Variants in INTS8 observed in about 807,000 individuals in gnomAD.
The protein encoded by INTS8 is protein kaonashi-1.
A neutral mutation model predicts 138.9 loss-of-function variants in INTS8; 47 were observed. The observed-to-expected ratio is 0.34, with a 90% CI of 0.27 to 0.43. INTS8 has a LOEUF of 0.43. Ranked by LOEUF, INTS8 falls within the 20% of genes least tolerant of loss-of-function variation. The pLI, the probability that INTS8 is intolerant of heterozygous loss-of-function variation, is 1.00. For synonymous variants in INTS8, 392 were observed against 400.9 expected (o/e 0.98, Z 0.27); for missense variants, 996 against 1,173.0 (o/e 0.85, Z 2.20).
chr8:94,853,871 G>T lies in INTS8; in HGVS notation c.1708G>T (p.Val570Phe). ...GIKDNLTRDL[V>F]YILMAKGLHC... ...TAAAGACAATTTAACAAGAGATTTG[G>T]TTTATATTCTTATGGCCAAAGGTTT... Residue 570 changes from valine to phenylalanine, a missense_variant, in exon 14 of 27, where the codon GTT (valine) becomes TTT (phenylalanine). Val to Phe is a conservative substitution (Grantham distance 50). Transcript: ENST00000523731. 1 of 1,611,002 alleles carries T rather than the reference G, an allele frequency of 6.2e-7. No individual in the cohort carries two copies. Among genetic ancestry groups the T allele is most frequent in the Non-Finnish European group, 8.5e-7 (1 of 1,177,226 alleles).
At chr8:94,877,921 T>C (rs1169307341) in intron 26 of INTS8, among the ~76,000 whole-genome samples, 1 of 152,146 alleles carries the variant, frequency 6.6e-6, no homozygotes, top group Non-Finnish European at 1.5e-5. Flanking sequence ...ATACAACAAA[T>C]ACTATTCTGC....
chr8:94,827,533 A>C, intron 3 of INTS8, 130 bp downstream of exon 3: 1 of 1,179,974 alleles, frequency 8.5e-7, no homozygotes, highest in Non-Finnish European at 1.2e-6. Flanking sequence ...CTGTGAGTCT[A>C]ATGGTGGAGA....
At chr8:94,874,639 C>T in intron 23 of INTS8, 37 bp downstream of exon 23, 8 of 1,188,830 alleles carry the variant, frequency 6.7e-6, no homozygotes, top group Non-Finnish European at 2.5e-6. Flanking sequence ...TTTATTTTTA[C>T]ATATGTTAGA....
intron 6 of INTS8, among the ~76,000 whole-genome samples, chr8:94,834,365 GT>G (rs1563644076): frequency 1.9e-4 from 9 of 46,200 alleles, no homozygotes; most frequent in South Asian, 2.2e-3. Context: ...GTGCATGGGT[GT>G]GTGTGTGTGT....
At position 94,838,528 on chromosome 8, in the gene INTS8, T is replaced by C; in HGVS notation, c.927T>C (p.Cys309=). 1 of 1,612,908 alleles carries C rather than the reference T, an allele frequency of 6.2e-7. No individual in the cohort carries two copies. The highest frequency in any genetic ancestry group is 1.1e-5 in the South Asian group (1 of 91,054). Reference sequence around the variant, plus strand: ...GGTTAGCTGGCTATTGTCAAGCATGTGATGTTCTTGTACCTTCTTCTGATA... The same window carrying C: ...GGTTAGCTGGCTATTGTCAAGCATGCGATGTTCTTGTACCTTCTTCTGATA... ...EKRLAGYCQA[C]DVLVPSSDST... Residue 309 remains cysteine (C), a synonymous_variant, in exon 8 of 27, where the codon TGT becomes TGC. Coordinates refer to ENST00000523731, the MANE Select transcript of INTS8 (RefSeq NM_017864.4).
chr8:94,854,285 A>G (rs1449488716), intron 14 of INTS8, among the ~76,000 whole-genome samples: 2 of 151,992 alleles, frequency 1.3e-5, no homozygotes, highest in South Asian at 2.1e-4. Flanking sequence ...ACCTTTTCCT[A>G]ATCTTTTCCT....
chr8:94,851,457 A>G (rs571730036), intron 12 of INTS8, 96 bp from the exon 13 acceptor site: 1 of 801,402 alleles, frequency 1.2e-6, no homozygotes, highest in African/African-American at 1.8e-5. Context: ...GCAGCTTTTA[A>G]TTTATAGATA....
intron 22 of INTS8, chr8:94,873,762 C>G: frequency 4.3e-6 from 1 of 231,482 alleles, no homozygotes; most frequent in Non-Finnish European, 8.4e-6. Flanking sequence ...ATTCACCTGT[C>G]CTTTCAAAAA....
At chr8:94,845,980 T>C (rs527886927) in intron 10 of INTS8, among the ~76,000 whole-genome samples, 1 of 152,296 alleles carries the variant, frequency 6.6e-6, no homozygotes, top group African/African-American at 2.4e-5. Context: ...GGTGTCCTAA[T>C]CCATGAACGG....
chr8:94,849,550 C>A lies in INTS8; in HGVS notation c.1331+18C>A. On this transcript the variant is annotated intron_variant, in intron 11 of 26. Coordinates refer to ENST00000523731, the MANE Select transcript of INTS8 (RefSeq NM_017864.4). ...TTTCTAAAGTAAGTACCTTTCTTTT[C>A]TTTTTTCTTTTTTTTTTTAACTTTG... 1.5e-6 allele frequency: 2 copies of A among 1,375,916 alleles called. No homozygotes were observed. Among genetic ancestry groups the A allele is most frequent in the Non-Finnish European group, 2.0e-6 (2 of 997,034 alleles). 85.2% of individuals were successfully genotyped at this position (1,375,916 alleles called of 1,614,324 possible). A position where few individuals can be genotyped will look rare whatever the true frequency, so the allele number is the denominator to read the frequency against.
At chr8:94,831,548 C>T (rs1254924979) in intron 5 of INTS8, among the ~76,000 whole-genome samples, 1 of 144,106 alleles carries the variant, frequency 6.9e-6, no homozygotes, top group Non-Finnish European at 1.5e-5. Flanking sequence ...GTGGCACGAT[C>T]TTGGCTCACT....
chr8:94,860,579 C>CAA (rs58945163), intron 16 of INTS8, among the ~76,000 whole-genome samples: 768 of 36,516 alleles, frequency 0.021, 10 homozygotes, highest in Non-Finnish European at 0.026. Context: ...AACTCTACCT[C>CAA]AAAAAAAAAA....
At position 94,871,998 on chromosome 8, in the gene INTS8, CT is replaced by C; in HGVS notation, c.2532del (p.Phe844LeufsTer37). ...SWLIIQADIY[F>X]ATNQYSAALH... ...GGTTAATTATCCAGGCAGATATTTACTTTGGTAAGTGAGATGTTTAGTTGCT... is the reference window on the plus strand; with the variant it reads ...GGTTAATTATCCAGGCAGATATTTACTTGGTAAGTGAGATGTTTAGTTGCT... On this transcript the variant is annotated frameshift_variant, in exon 21 of 27. Coordinates refer to ENST00000523731, the MANE Select transcript of INTS8 (RefSeq NM_017864.4). LOFTEE classifies it high-confidence loss of function. 6.8e-7 allele frequency: 1 copy of C among 1,461,666 alleles called. No individual in the cohort carries two copies. The highest frequency in any genetic ancestry group is 9.6e-7 in the Non-Finnish European group (1 of 1,046,850). The allele number at this position is 1,461,666 out of a possible 1,614,324, so 90.5% of individuals were successfully genotyped here. A position where few individuals can be genotyped will look rare whatever the true frequency, so the allele number is the denominator to read the frequency against.
intron 10 of INTS8, among the ~76,000 whole-genome samples, chr8:94,843,469 A>G (rs1815213142): frequency 6.6e-6 from 1 of 152,160 alleles, no homozygotes; most frequent in African/African-American, 2.4e-5. Flanking sequence ...TGGGAGGCTG[A>G]GGCAGGAGAA....
intron 13 of INTS8, 120 bp downstream of exon 13, chr8:94,851,806 C>T: frequency 1.5e-6 from 1 of 686,300 alleles, no homozygotes; most frequent in Non-Finnish European, 2.3e-6. Flanking sequence ...GTTTTAAGAC[C>T]TTCATATGAA....
intron 14 of INTS8, among the ~76,000 whole-genome samples, chr8:94,854,413 C>T (rs1815670568): frequency 6.6e-6 from 1 of 152,124 alleles, no homozygotes; most frequent in Non-Finnish European, 1.5e-5. Context: ...GAATACTGCT[C>T]TGTGCCTTTT....
At chr8:94,868,444 C>T (rs1325942923) in intron 20 of INTS8, among the ~76,000 whole-genome samples, 1 of 152,160 alleles carries the variant, frequency 6.6e-6, no homozygotes, top group African/African-American at 2.4e-5. Flanking sequence ...AGCTCTCTGT[C>T]TCATCCAGGG....
intron 26 of INTS8, 174 bp from the exon 27 acceptor site, chr8:94,879,944 C>T (rs1816734471): frequency 2.2e-6 from 1 of 464,324 alleles, no homozygotes. Flanking sequence ...TGAGAGTGGC[C>T]CTGGTTAATC....
intron 20 of INTS8, among the ~76,000 whole-genome samples, chr8:94,868,992 T>G (rs954138291): frequency 7.5e-5 from 11 of 147,554 alleles, no homozygotes; most frequent in Non-Finnish European, 1.5e-4. Context: ...TTTTTTTTTT[T>G]TTTTTTTGAG....
Sources: gnomAD v4.1 joint callset for allele counts (sites outside exome capture counted in the v4.1 genomes callset) on GRCh38, gnomAD v4.1.1 for gene constraint, MANE v1.5 for transcripts, NCBI Gene and HGNC (gene_info 2026-07-23, HGNC 2026-07-21) for gene names.